CSMD2: variants seen among roughly 807,000 people sequenced by gnomAD.
CSMD2 encodes CUB and sushi domain-containing protein 2.
Under a neutral mutation model 398.5 loss-of-function variants are expected in CSMD2, and 130 were observed. The observed-to-expected ratio is 0.33, with a 90% CI of 0.28 to 0.38. The LOEUF (loss-of-function observed/expected upper bound fraction) is 0.38, where lower values mean the gene tolerates loss of function less well. CSMD2 is among the 10% of genes least tolerant of loss of function. The pLI, the probability that CSMD2 is intolerant of heterozygous loss-of-function variation, is 1.00. For missense variants in CSMD2, 3,829 were observed against 4,764.9 expected, an observed-to-expected ratio of 0.80 and a Z score of 5.78; for synonymous variants, 1,828 against 1,908.5, an observed-to-expected ratio of 0.96 and a Z score of 1.10.
intron 5 of CSMD2, among the ~76,000 whole-genome samples, chr1:33,903,045 G>A (rs562466234): frequency 6.3e-4 from 96 of 152,298 alleles, no homozygotes; most frequent in Non-Finnish European, 1.1e-3. Context: ...TGAAACTGAC[G>A]TGGCTGCAGA....
intron 3 of CSMD2, among the ~76,000 whole-genome samples, chr1:34,012,409 A>T (rs1244567207): frequency 6.6e-6 from 1 of 152,000 alleles, no homozygotes; most frequent in African/African-American, 2.4e-5. Context: ...GCACATCAAC[A>T]TGTACATACT....
intron 9 of CSMD2, among the ~76,000 whole-genome samples, chr1:33,817,012 T>C (rs573585532): frequency 2.6e-5 from 4 of 152,366 alleles, no homozygotes; most frequent in African/African-American, 9.6e-5. Flanking sequence ...GTGGAACTTC[T>C]TGGAATGGAA....
At chr1:33,955,404 C>T (rs1046431805) in intron 3 of CSMD2, among the ~76,000 whole-genome samples, 6 of 151,976 alleles carry the variant, frequency 3.9e-5, no homozygotes, top group African/African-American at 7.2e-5. Flanking sequence ...AATAATTACC[C>T]GCGTGTCCCT....
intron 32 of CSMD2, among the ~76,000 whole-genome samples, chr1:33,631,168 G>A (rs1472489948): frequency 6.6e-6 from 1 of 151,916 alleles, no homozygotes; most frequent in East Asian, 1.9e-4. Context: ...GAGTAAAAAG[G>A]GGATGATGAA....
At chr1:33,817,615 CTTATGT>C (rs1291162703) in intron 9 of CSMD2, among the ~76,000 whole-genome samples, 1 of 152,198 alleles carries the variant, frequency 6.6e-6, no homozygotes, top group African/African-American at 2.4e-5. Context: ...CTTGAGGAAG[CTTATGT>C]GGACAGTGCC....
At chr1:34,102,061 T>G (rs904960785) in intron 1 of CSMD2, among the ~76,000 whole-genome samples, 3 of 151,874 alleles carry the variant, frequency 2.0e-5, no homozygotes, top group Non-Finnish European at 4.4e-5. Context: ...GACAGAGTCT[T>G]GCTCTGTCAC....
chr1:33,918,105 G>A lies in CSMD2; in HGVS notation c.909C>T (p.Gly303=), dbSNP rs1202431091. The A allele has an allele frequency of 6.2e-7, 1 of 1,613,680 alleles. No individual in the cohort carries two copies. Among genetic ancestry groups the A allele is most frequent in the South Asian group, 1.1e-5 (1 of 91,066 alleles). ...GATGTTGTGCTTACCAGAGGGAGGAGCCTTCTGTCCCAGTGACTTCCAGAA... is the reference window on the plus strand; with the variant it reads ...GATGTTGTGCTTACCAGAGGGAGGAACCTTCTGTCCCAGTGACTTCCAGAA... ...YDFLEVTGTE[G]SSLWFTGASL... The change falls in exon 5 of 71, where the codon GGC becomes GGT. Residue 303 remains glycine (G), a synonymous_variant. Coordinates refer to ENST00000373381, the MANE Select transcript of CSMD2 (RefSeq NM_001281956.2).
chr1:33,535,013 A>G (rs1655632132), intron 62 of CSMD2, among the ~76,000 whole-genome samples: 1 of 152,322 alleles, frequency 6.6e-6, no homozygotes, highest in African/African-American at 2.4e-5. Context: ...AGCCTGAGTA[A>G]TATTTCAAAT....
chr1:33,623,121 G>A (rs770906307), intron 36 of CSMD2, among the ~76,000 whole-genome samples: 1 of 152,180 alleles, frequency 6.6e-6, no homozygotes, highest in Non-Finnish European at 1.5e-5. Context: ...GGCTAGGTGT[G>A]GGCTGGGGAG....
At chr1:33,618,505 T>C (rs1641546578) in intron 37 of CSMD2, among the ~76,000 whole-genome samples, 1 of 152,126 alleles carries the variant, frequency 6.6e-6, no homozygotes, top group South Asian at 2.1e-4. Context: ...CAAGATCACC[T>C]CCACAGGATC....
chr1:33,821,626 C>G (rs538607501), intron 7 of CSMD2, among the ~76,000 whole-genome samples: 1 of 152,342 alleles, frequency 6.6e-6, no homozygotes, highest in South Asian at 2.1e-4. Flanking sequence ...CACCCACTTG[C>G]TCACATAGGT....
rs775833438 is a variant in CSMD2, at chr1:33,663,046, G to T, written c.4099C>A (p.Arg1367Ser). Residue 1367 changes from arginine (R) to serine (S), a missense_variant, in exon 26 of 71, where the codon CGC becomes AGC. By Grantham distance (110) the Arg-to-Ser change is moderately radical. Around this residue, in one of 5 missense-constraint regions of CSMD2, gnomAD observed 2,001 missense variants for 2,567.1 expected, o/e 0.78. Transcript: ENST00000373381. Reference sequence around the variant, plus strand: ...CTCTCCACAGGCCCATCCCAGATGCGCAGCACGTCGTGAACCTCCTCTGTG... The same window carrying T: ...CTCTCCACAGGCCCATCCCAGATGCTCAGCACGTCGTGAACCTCCTCTGTG... ...FDTEEVHDVL[R>S]IWDGPVESGV... is the part of the protein sequence containing the mutation. The T allele has an allele frequency of 6.2e-7, 1 of 1,614,106 alleles. No homozygotes were observed. The highest frequency in any genetic ancestry group is 1.1e-5 in the South Asian group (1 of 91,076).
chr1:33,794,100 G>T (rs1014275967), intron 10 of CSMD2, among the ~76,000 whole-genome samples: 1 of 152,144 alleles, frequency 6.6e-6, no homozygotes, highest in South Asian at 2.1e-4. Flanking sequence ...CCTTCTGCAG[G>T]TTTCCTCCAT....
intron 5 of CSMD2, among the ~76,000 whole-genome samples, chr1:33,892,029 C>G (rs922270430): frequency 1.4e-5 from 2 of 147,414 alleles, no homozygotes; most frequent in Non-Finnish European, 3.0e-5. Flanking sequence ...TGCACATGTA[C>G]CCTAAAACTT....
intron 2 of CSMD2, among the ~76,000 whole-genome samples, chr1:34,034,867 A>G (rs779014435): frequency 1.3e-5 from 2 of 152,236 alleles, no homozygotes; most frequent in Non-Finnish European, 1.5e-5. Flanking sequence ...CAGGAGGAGG[A>G]TTCGTATTTA....
chr1:33,941,485 G>T (rs1204450695), intron 3 of CSMD2, among the ~76,000 whole-genome samples: 1 of 152,210 alleles, frequency 6.6e-6, no homozygotes, highest in Non-Finnish European at 1.5e-5. Context: ...GAAGGATTTA[G>T]TCTTCCCACA....
intron 1 of CSMD2, among the ~76,000 whole-genome samples, chr1:34,119,285 A>T (rs1482388072): frequency 6.6e-6 from 1 of 152,198 alleles, no homozygotes; most frequent in African/African-American, 2.4e-5. Flanking sequence ...ATGGAATAAG[A>T]TCTAAAAGCA....
intron 3 of CSMD2, among the ~76,000 whole-genome samples, chr1:34,023,453 C>T (rs1450885997): frequency 6.6e-6 from 1 of 152,186 alleles, no homozygotes; most frequent in African/African-American, 2.4e-5. Context: ...CTTATATAGA[C>T]TAGTAGGGAT....
intron 3 of CSMD2, among the ~76,000 whole-genome samples, chr1:33,945,303 T>TA (rs1306958632): frequency 1.3e-5 from 2 of 152,210 alleles, no homozygotes; most frequent in South Asian, 2.1e-4. Flanking sequence ...ATGCTTATAC[T>TA]AAAAAGACTT....
Sources: gnomAD v4.1 joint callset for allele counts (sites outside exome capture counted in the v4.1 genomes callset) on GRCh38, gnomAD v4.1.1 for gene constraint, gnomAD v4.1.1 regional missense constraint, MANE v1.5 for transcripts, NCBI Gene and HGNC (gene_info 2026-07-23, HGNC 2026-07-21) for gene names.